The following TBL1XR1 variants were observed in gnomAD, a reference collection of about 807,000 sequenced individuals.
The protein encoded by TBL1XR1 is TBL1X/Y related 1.
A neutral mutation model predicts 66.9 loss-of-function variants in TBL1XR1; 5 were observed. The observed-to-expected ratio is 0.07, with a 90% confidence interval of 0.04 to 0.16. The LOEUF (loss-of-function observed/expected upper bound fraction) is 0.16. TBL1XR1 is among the 10% of genes least tolerant of loss of function. TBL1XR1 has a pLI of 1.00. For missense variants in TBL1XR1, 238 were observed against 623.2 expected (o/e 0.38, Z 6.58); for synonymous variants, 210 against 206.0 (o/e 1.02, Z -0.17).
At chr3:177,183,515 G>A (rs1735065052) in intron 1 of TBL1XR1, among the ~76,000 whole-genome samples, 1 of 152,100 alleles carries the variant, frequency 6.6e-6, no homozygotes, top group Non-Finnish European at 1.5e-5. Flanking sequence ...ACTCCGGAAA[G>A]CAAAAATTTT....
chr3:177,155,184 A>G (rs1229993194), intron 1 of TBL1XR1, among the ~76,000 whole-genome samples: 1 of 152,218 alleles, frequency 6.6e-6, no homozygotes, highest in African/African-American at 2.4e-5. Context: ...AAGAAGCTAG[A>G]AAAAGGGCAA....
intron 2 of TBL1XR1, among the ~76,000 whole-genome samples, chr3:177,070,674 C>T (rs1446784468): frequency 6.6e-6 from 1 of 152,022 alleles, no homozygotes; most frequent in African/African-American, 2.4e-5. Context: ...CGTGGCGAAA[C>T]CCCATCTCTA....
intron 1 of TBL1XR1, among the ~76,000 whole-genome samples, chr3:177,129,956 C>A (rs1728085780): frequency 6.6e-6 from 1 of 151,988 alleles, no homozygotes; most frequent in South Asian, 2.1e-4. Context: ...ACCAGCCTGG[C>A]CAACACGCCA....
At chr3:177,038,056 G>T in intron 12 of TBL1XR1, 42 bp downstream of exon 12, 1 of 1,575,980 alleles carries the variant, frequency 6.3e-7, no homozygotes, top group Non-Finnish European at 8.7e-7. Flanking sequence ...CAACCATACT[G>T]TGTGACACCG....
intron 1 of TBL1XR1, among the ~76,000 whole-genome samples, chr3:177,181,076 G>A (rs184286649): frequency 2.6e-5 from 4 of 152,210 alleles, no homozygotes; most frequent in Admixed American, 2.6e-4. Flanking sequence ...TGAGCTAGAA[G>A]TAGAGGATGT....
rs561812629 is a variant in TBL1XR1, at chr3:177,022,316, T to A, written c.*3182A>T. On this transcript the variant is annotated 3_prime_UTR_variant, in exon 16 of 16. Transcript: ENST00000457928. ...GTAAAAGGTATTTAATCCTAAAACATACTTACCTAGAGAATAATTAAAACA... is the reference window on the plus strand; with the variant it reads ...GTAAAAGGTATTTAATCCTAAAACAAACTTACCTAGAGAATAATTAAAACA... 6.6e-6 allele frequency: 1 copy of A among 152,628 alleles called. No homozygotes were observed. The highest frequency in any genetic ancestry group is 2.1e-4 in the South Asian group (1 of 4,830). The allele number at this position is 152,628 out of a possible 1,614,324, so 9.5% of individuals were successfully genotyped here.
chr3:177,149,752 C>T (rs1202683643), intron 1 of TBL1XR1, among the ~76,000 whole-genome samples: 1 of 152,128 alleles, frequency 6.6e-6, no homozygotes, highest in East Asian at 1.9e-4. Context: ...CTGTGAAAAT[C>T]ATACAAACTT....
At chr3:177,080,130 A>G (rs1348823642) in intron 2 of TBL1XR1, among the ~76,000 whole-genome samples, 1 of 152,238 alleles carries the variant, frequency 6.6e-6, no homozygotes, top group Non-Finnish European at 1.5e-5. Flanking sequence ...TCATAAGGAC[A>G]TAATTATGTC....
At chr3:177,145,728 T>A (rs1326583472) in intron 1 of TBL1XR1, among the ~76,000 whole-genome samples, 1 of 152,204 alleles carries the variant, frequency 6.6e-6, no homozygotes, top group Non-Finnish European at 1.5e-5. Flanking sequence ...GGAATGACAG[T>A]GGTCAAATAA....
chr3:177,163,680 T>C (rs1178314810), intron 1 of TBL1XR1, among the ~76,000 whole-genome samples: 1 of 152,146 alleles, frequency 6.6e-6, no homozygotes, highest in Non-Finnish European at 1.5e-5. Flanking sequence ...ATAAAATATC[T>C]GGAAGGATAC....
chr3:177,133,727 C>A (rs1274411833), intron 1 of TBL1XR1, among the ~76,000 whole-genome samples: 1 of 151,942 alleles, frequency 6.6e-6, no homozygotes, highest in African/African-American at 2.4e-5. Context: ...CATGGTGAAA[C>A]CCCATCTCTG....
At chr3:177,187,766 GA>G (rs1455628307) in intron 1 of TBL1XR1, among the ~76,000 whole-genome samples, 9 of 151,422 alleles carry the variant, frequency 5.9e-5, no homozygotes, top group African/African-American at 1.5e-4. Context: ...AGGTTATCAG[GA>G]AAAAAAGCAC....
intron 1 of TBL1XR1, among the ~76,000 whole-genome samples, chr3:177,188,166 G>A (rs78975615): frequency 3.3e-5 from 5 of 151,884 alleles, no homozygotes; most frequent in African/African-American, 1.2e-4. Flanking sequence ...TCCTGACCTC[G>A]TGATCCACCC....
intron 1 of TBL1XR1, among the ~76,000 whole-genome samples, chr3:177,168,654 T>C (rs1299213952): frequency 2.6e-5 from 4 of 152,190 alleles, no homozygotes; most frequent in Non-Finnish European, 5.9e-5. Flanking sequence ...TTGGTGTTCA[T>C]GAAAGGATGT....
chr3:177,064,905 T>C lies in TBL1XR1; in HGVS notation c.58+15A>G. ...AAAATAATTTGAGGCCTATTTACTT[T>C]ATAAAAGTACTCACCTGACTCTTGC... On this transcript the variant is annotated intron_variant, in intron 3 of 15. Coordinates refer to ENST00000457928, the MANE Select transcript of TBL1XR1 (RefSeq NM_024665.7). The C allele has an allele frequency of 6.7e-7, 1 of 1,484,344 alleles. No individual in the cohort carries two copies. Among genetic ancestry groups the C allele is most frequent in the Non-Finnish European group, 9.1e-7 (1 of 1,097,036 alleles). 91.9% of individuals were successfully genotyped at this position (1,484,344 alleles called of 1,614,324 possible).
intron 4 of TBL1XR1, 34 bp from the exon 5 acceptor site, chr3:177,051,760 A>G: frequency 1.3e-6 from 2 of 1,494,744 alleles, no homozygotes; most frequent in Non-Finnish European, 1.8e-6. Context: ...AAGAAAAATC[A>G]AAGGCAATAT....
intron 9 of TBL1XR1, 134 bp downstream of exon 9, chr3:177,047,166 G>A: frequency 1.4e-6 from 1 of 690,528 alleles, no homozygotes; most frequent in East Asian, 2.7e-5. Flanking sequence ...TAGACCTAAG[G>A]AGTATTTCTA....
intron 2 of TBL1XR1, among the ~76,000 whole-genome samples, chr3:177,077,972 C>A (rs184574173): frequency 6.6e-6 from 1 of 152,164 alleles, no homozygotes. Flanking sequence ...CCCGGAGCCC[C>A]AGTTTCTTCA....
At chr3:177,173,092 C>T (rs993243169) in intron 1 of TBL1XR1, among the ~76,000 whole-genome samples, 6 of 152,164 alleles carry the variant, frequency 3.9e-5, no homozygotes, top group African/African-American at 1.4e-4. Context: ...CAGTCTGAGG[C>T]AGGAGAATCG....
Sources: allele counts gnomAD v4.1 joint callset (sites outside exome capture counted in the v4.1 genomes callset), GRCh38; gene constraint gnomAD v4.1.1; transcripts MANE v1.5; gene names NCBI Gene and HGNC (gene_info 2026-07-23, HGNC 2026-07-21).